The following PLCXD3 variants were observed in gnomAD, a reference collection of about 807,000 sequenced individuals.
PLCXD3 encodes PI-PLC X domain-containing protein 3.
Under a neutral mutation model 25.5 loss-of-function variants are expected in PLCXD3, and 19 were observed. That is an observed-to-expected ratio of 0.75 (90% CI 0.52 to 1.09). The LOEUF (loss-of-function observed/expected upper bound fraction) is 1.09. Ranked by LOEUF, PLCXD3 falls within the 50% of genes least tolerant of loss-of-function variation. PLCXD3 has a pLI of 0.00. For synonymous variants in PLCXD3, 174 were observed against 137.6 expected, an observed-to-expected ratio of 1.26 and a Z score of -1.85; for missense variants, 411 against 388.1, an observed-to-expected ratio of 1.06 and a Z score of -0.50.
chr5:41,371,107 CTT>C (rs751461783), intron 2 of PLCXD3, among the ~76,000 whole-genome samples: 2 of 152,122 alleles, frequency 1.3e-5, no homozygotes, highest in Non-Finnish European at 2.9e-5. Flanking sequence ...ATTATCAACT[CTT>C]TGATTTGCCT....
rs868602096 is a variant in PLCXD3 at position 41,369,648 on chromosome 5, T to A, written c.812+12178A>T. On this transcript the variant is annotated intron_variant, in intron 2 of 2. Coordinates refer to ENST00000377801, the MANE Select transcript of PLCXD3 (RefSeq NM_001005473.3). ...GGTGGCCACCACCATGTCCAGCTAATTTTTTTAGTTTCGTAGACAGGGGTT... is the reference window on the plus strand; with the variant it reads ...GGTGGCCACCACCATGTCCAGCTAAATTTTTTAGTTTCGTAGACAGGGGTT... Among the ~76,000 whole-genome samples, 52 of 152,160 alleles carry A rather than the reference T, an allele frequency of 3.4e-4. 1 individual carries two copies. The highest frequency in any genetic ancestry group is 3.4e-3 in the Middle Eastern group (1 of 294).
At chr5:41,333,340 G>A (rs572725759) in intron 2 of PLCXD3, among the ~76,000 whole-genome samples, 4 of 152,016 alleles carry the variant, frequency 2.6e-5, no homozygotes, top group Admixed American at 6.6e-5. Context: ...TGTCATTTTT[G>A]AAAGTTTAGA....
At chr5:41,449,386 T>C (rs760153376) in intron 1 of PLCXD3, among the ~76,000 whole-genome samples, 3 of 152,224 alleles carry the variant, frequency 2.0e-5, no homozygotes, top group Non-Finnish European at 2.9e-5. Context: ...AATTTCATAA[T>C]AACTTTCTAA....
intron 2 of PLCXD3, among the ~76,000 whole-genome samples, chr5:41,361,248 C>T (rs1404946191): frequency 1.3e-5 from 2 of 152,156 alleles, no homozygotes; most frequent in African/African-American, 2.4e-5. Flanking sequence ...GCTAGTCTCA[C>T]TCTCACTGTG....
chr5:41,491,480 G>C (rs574420360), intron 1 of PLCXD3, among the ~76,000 whole-genome samples: 12 of 152,220 alleles, frequency 7.9e-5, no homozygotes, highest in South Asian at 2.1e-4. Flanking sequence ...TTCAATTCCT[G>C]GGTATCCTTG....
At chr5:41,426,021 A>G (rs73079709) in intron 1 of PLCXD3, among the ~76,000 whole-genome samples, 5,884 of 152,198 alleles carry the variant, frequency 0.039, 384 homozygotes, top group African/African-American at 0.14. Context: ...GTTTTGGGAG[A>G]AACTGCCCAG....
At position 41,307,321 on chromosome 5, in the gene PLCXD3, G is replaced by C. The variant is rs1743028096; in HGVS notation, c.*6296C>G. ...TATAGGAATTTCAGGAGAGGAGGTAGCTACTGAAAATGTTTCAAAATTCCA... is the reference window on the plus strand; with the variant it reads ...TATAGGAATTTCAGGAGAGGAGGTACCTACTGAAAATGTTTCAAAATTCCA... On this transcript the variant is annotated 3_prime_UTR_variant, in exon 3 of 3. Coordinates refer to ENST00000377801, the MANE Select transcript of PLCXD3 (RefSeq NM_001005473.3). The C allele has an allele frequency of 6.6e-6, 1 of 152,578 alleles. No individual in the cohort carries two copies. 9.5% of individuals were successfully genotyped at this position (152,578 alleles called of 1,614,324 possible). A position where few individuals can be genotyped will look rare whatever the true frequency, so the allele number is the denominator to read the frequency against.
intron 1 of PLCXD3, among the ~76,000 whole-genome samples, chr5:41,387,802 CA>C (rs1441708813): frequency 6.6e-6 from 1 of 152,084 alleles, no homozygotes; most frequent in Admixed American, 6.6e-5. Flanking sequence ...AAGTATAAGA[CA>C]AGCATTGTTC....
At chr5:41,448,743 G>C (rs943027017) in intron 1 of PLCXD3, among the ~76,000 whole-genome samples, 1 of 152,100 alleles carries the variant, frequency 6.6e-6, no homozygotes, top group Non-Finnish European at 1.5e-5. Flanking sequence ...TAGAGGAGAA[G>C]CTCAGTATAG....
intron 1 of PLCXD3, among the ~76,000 whole-genome samples, chr5:41,437,478 T>A (rs183815841): frequency 3.3e-5 from 5 of 152,234 alleles, no homozygotes; most frequent in African/African-American, 1.2e-4. Context: ...GAAGACCTTC[T>A]TGCAGAGGTG....
At chr5:41,335,373 G>A (rs1039200920) in intron 2 of PLCXD3, among the ~76,000 whole-genome samples, 2 of 152,106 alleles carry the variant, frequency 1.3e-5, no homozygotes, top group African/African-American at 4.8e-5. Context: ...AGTACTATTA[G>A]AGGCAGTAAT....
intron 1 of PLCXD3, among the ~76,000 whole-genome samples, chr5:41,507,310 CTT>C (rs1189125856): frequency 6.6e-6 from 1 of 152,126 alleles, no homozygotes; most frequent in African/African-American, 2.4e-5. Context: ...CGAATTAAAA[CTT>C]AAGTTTAGGG....
At chr5:41,316,125 G>A (rs867901272) in intron 2 of PLCXD3, among the ~76,000 whole-genome samples, 14 of 152,230 alleles carry the variant, frequency 9.2e-5, no homozygotes, top group Middle Eastern at 3.4e-3. Context: ...GAGAAGAGGG[G>A]GAAGAATGGT....
At chr5:41,506,841 TA>T (rs1218734365) in intron 1 of PLCXD3, among the ~76,000 whole-genome samples, 1 of 152,216 alleles carries the variant, frequency 6.6e-6, no homozygotes, top group Non-Finnish European at 1.5e-5. Context: ...GTTCCTTATC[TA>T]AAAAGTACAG....
intron 2 of PLCXD3, among the ~76,000 whole-genome samples, chr5:41,330,421 C>A (rs1309812403): frequency 6.6e-6 from 1 of 152,106 alleles, no homozygotes; most frequent in Non-Finnish European, 1.5e-5. Context: ...CTGAATAGAA[C>A]AATAACAGGA....
chr5:41,399,314 T>C (rs925754987), intron 1 of PLCXD3, among the ~76,000 whole-genome samples: 1 of 152,124 alleles, frequency 6.6e-6, no homozygotes, highest in African/African-American at 2.4e-5. Flanking sequence ...AAAATACTAA[T>C]GACATTCTTC....
intron 1 of PLCXD3, among the ~76,000 whole-genome samples, chr5:41,396,858 C>A (rs569432207): frequency 2.0e-5 from 3 of 152,318 alleles, no homozygotes; most frequent in Admixed American, 6.5e-5. Flanking sequence ...ATCTGTGGAA[C>A]TTTGAACTTG....
intron 1 of PLCXD3, among the ~76,000 whole-genome samples, chr5:41,397,666 G>A (rs1746051098): frequency 6.6e-6 from 1 of 152,134 alleles, no homozygotes; most frequent in South Asian, 2.1e-4. Context: ...CTGATAGCTT[G>A]CAATGTGTGC....
intron 2 of PLCXD3, among the ~76,000 whole-genome samples, chr5:41,364,444 A>G (rs1453889657): frequency 6.6e-6 from 1 of 152,146 alleles, no homozygotes; most frequent in Non-Finnish European, 1.5e-5. Context: ...AGAAAATCCT[A>G]TTTGCCTTAG....
Sources: gnomAD v4.1 joint callset for allele counts (sites outside exome capture counted in the v4.1 genomes callset) on GRCh38, gnomAD v4.1.1 for gene constraint, MANE v1.5 for transcripts, NCBI Gene and HGNC (gene_info 2026-07-23, HGNC 2026-07-21) for gene names.